The following SCML2 variants were observed in gnomAD, a reference collection of about 807,000 sequenced individuals.
SCML2 encodes the protein Scm polycomb group protein like 2.
SCML2 carries 6 observed loss-of-function variants against 48.4 expected under a neutral mutation model. That is an observed-to-expected ratio of 0.12 (90% CI 0.07 to 0.24). The LOEUF (loss-of-function observed/expected upper bound fraction) is 0.24, where lower values mean the gene tolerates loss of function less well. Among genes scored for constraint, SCML2 ranks in the 10% least tolerant of loss-of-function variants. The pLI, the probability that SCML2 is intolerant of heterozygous loss-of-function variation, is 1.00. For synonymous variants in SCML2, 181 were observed against 189.5 expected, an observed-to-expected ratio of 0.95 and a Z score of 0.37; for missense variants, 377 against 528.2, an observed-to-expected ratio of 0.71 and a Z score of 2.81.
Position 18,323,854 on chromosome X carries a change from C to T in SCML2, c.397+5G>A, listed in dbSNP as rs747742791. On this transcript the variant is annotated splice_donor_5th_base_variant and intron_variant, in intron 5 of 14. Transcript: ENST00000251900. ...AATACGCTATTTTTAAAACTTTCTT[C>T]TTACCTAGTGGAGGTTGAAGTAAGT... is the stretch of plus-strand genomic sequence containing the variant. The T allele has an allele frequency of 8.5e-7, 1 of 1,174,758 alleles. No homozygotes were observed. The highest frequency in any genetic ancestry group is 2.2e-5 in the Admixed American group (1 of 45,883).
chrX:18,270,898 G>A (rs1277176653), intron 7 of SCML2, among the ~76,000 whole-genome samples: 2 of 111,720 alleles, frequency 1.8e-5, no homozygotes, highest in Admixed American at 9.5e-5. Context: ...ATATAAAGAA[G>A]GATATGCTAC....
chrX:18,301,545 G>A (rs1244185041), intron 7 of SCML2, among the ~76,000 whole-genome samples: 1 of 112,231 alleles, frequency 8.9e-6, no homozygotes, highest in East Asian at 2.8e-4. Flanking sequence ...GCTGAAGAGG[G>A]AGAATCACTT....
At chrX:18,302,947 C>A (rs1305310668) in intron 7 of SCML2, among the ~76,000 whole-genome samples, 1 of 111,634 alleles carries the variant, frequency 9.0e-6, no homozygotes, top group East Asian at 2.8e-4. Context: ...AAGTTTATTT[C>A]TCACAATTGT....
At chrX:18,332,740 C>A (rs1929695309) in intron 2 of SCML2, among the ~76,000 whole-genome samples, 1 of 110,859 alleles carries the variant, frequency 9.0e-6, no homozygotes, top group Non-Finnish European at 1.9e-5. Context: ...TTTGGGAGGC[C>A]AAGGAGGGAG....
intron 1 of SCML2, among the ~76,000 whole-genome samples, chrX:18,346,668 GAACA>G (rs1053501911): frequency 5.3e-5 from 6 of 112,169 alleles, no homozygotes; most frequent in African/African-American, 1.9e-4. Context: ...TTTTAGACTT[GAACA>G]AACAAAAACG....
At chrX:18,298,740 T>C (rs1928480293) in intron 7 of SCML2, among the ~76,000 whole-genome samples, 1 of 109,646 alleles carries the variant, frequency 9.1e-6, no homozygotes, top group South Asian at 4.0e-4. Context: ...GAAGAACTGC[T>C]TGAACCCAGG....
intron 1 of SCML2, 148 bp from the exon 2 acceptor site, chrX:18,334,243 A>G: frequency 5.0e-6 from 2 of 401,315 alleles, no homozygotes; most frequent in South Asian, 6.2e-5. Flanking sequence ...CTGGGAATGG[A>G]GGAAGAAGGA....
chrX:18,322,902 AT>A (rs1490727832), intron 5 of SCML2, among the ~76,000 whole-genome samples: 1 of 111,676 alleles, frequency 9.0e-6, no homozygotes, highest in Non-Finnish European at 1.9e-5. Flanking sequence ...TCAAAAAAAA[AT>A]ATTTTTTAAA....
chrX:18,280,187 GA>G (rs1215958030), intron 7 of SCML2, among the ~76,000 whole-genome samples: 1 of 111,752 alleles, frequency 8.9e-6, no homozygotes, highest in African/African-American at 3.3e-5. Flanking sequence ...TTACAAGCCA[GA>G]AGATATTGGG....
chrX:18,335,409 T>A (rs1339496578), intron 1 of SCML2, among the ~76,000 whole-genome samples: 1 of 110,810 alleles, frequency 9.0e-6, no homozygotes, highest in Non-Finnish European at 1.9e-5. Context: ...GAGGCTGAGG[T>A]GGGAAAATCA....
chrX:18,305,821 A>G (rs1300969494), intron 6 of SCML2, among the ~76,000 whole-genome samples: 2 of 111,352 alleles, frequency 1.8e-5, no homozygotes, highest in African/African-American at 3.3e-5. Flanking sequence ...AAAGTCATAT[A>G]GTATGGGGTC....
At chrX:18,317,178 C>T (rs192231470) in intron 6 of SCML2, among the ~76,000 whole-genome samples, 1 of 112,023 alleles carries the variant, frequency 8.9e-6, no homozygotes, top group Non-Finnish European at 1.9e-5. Context: ...CCTTGGCCTC[C>T]CAAAGTGTGA....
chrX:18,331,625 G>A (rs1011448064), intron 2 of SCML2, among the ~76,000 whole-genome samples: 3 of 111,781 alleles, frequency 2.7e-5, no homozygotes, highest in Non-Finnish European at 5.6e-5. Flanking sequence ...CAAATAACCA[G>A]TGTTCCCCAA....
At chrX:18,324,213 G>A in intron 4 of SCML2, 120 bp from the exon 5 acceptor site, 1 of 485,681 alleles carries the variant, frequency 2.1e-6, no homozygotes. Context: ...GATGATGAGT[G>A]AGGTCAGAGC....
chrX:18,285,027 C>G (rs1478006102), intron 7 of SCML2, among the ~76,000 whole-genome samples: 3 of 94,646 alleles, frequency 3.2e-5, no homozygotes, highest in Non-Finnish European at 2.1e-5. Context: ...GCAACAAGAG[C>G]GCAACTCCGC....
chrX:18,249,544 A>G, intron 11 of SCML2, among the ~76,000 whole-genome samples: 1 of 111,075 alleles, frequency 9.0e-6, no homozygotes. Flanking sequence ...CTGACGGGGG[A>G]AAATGGTGGC....
At chrX:18,280,318 G>C (rs1273400935) in intron 7 of SCML2, among the ~76,000 whole-genome samples, 1 of 111,876 alleles carries the variant, frequency 8.9e-6, no homozygotes, top group Non-Finnish European at 1.9e-5. Context: ...AATGCTGAGA[G>C]AATGCATTTC....
chrX:18,320,127 C>T (rs3827430), intron 6 of SCML2, among the ~76,000 whole-genome samples: 17,786 of 111,928 alleles, frequency 0.16, 1,246 homozygotes, highest in Middle Eastern at 0.3. Flanking sequence ...GGACTTACAG[C>T]CTACAGAACT....
intron 6 of SCML2, among the ~76,000 whole-genome samples, chrX:18,314,182 A>C (rs1294586741): frequency 8.9e-6 from 1 of 111,777 alleles, no homozygotes; most frequent in African/African-American, 3.3e-5. Flanking sequence ...AGTACATGAT[A>C]TGGGCCAGGC....
Sources: allele counts gnomAD v4.1 joint callset (sites outside exome capture counted in the v4.1 genomes callset), GRCh38; gene constraint gnomAD v4.1.1; transcripts MANE v1.5; gene names NCBI Gene and HGNC (gene_info 2026-07-23, HGNC 2026-07-21).